DOCK2: variants seen among roughly 807,000 people sequenced by gnomAD.
The protein encoded by DOCK2 is dedicator of cytokinesis protein 2.
DOCK2 carries 87 observed loss-of-function variants against 248.9 expected under a neutral mutation model. That is an observed-to-expected ratio of 0.35 (90% CI 0.29 to 0.42). DOCK2 has a LOEUF of 0.42. Among genes scored for constraint, DOCK2 ranks in the 10% least tolerant of loss-of-function variants. The probability of loss-of-function intolerance (pLI) is 1.00; values close to 1 mark genes in which losing one functional copy is unlikely to be tolerated. For synonymous variants in DOCK2, 805 were observed against 821.6 expected, an observed-to-expected ratio of 0.98 and a Z score of 0.35; for missense variants, 1,747 against 2,300.2, an observed-to-expected ratio of 0.76 and a Z score of 4.92.
At chr5:169,694,672 A>C (rs1196274461) in intron 9 of DOCK2, among the ~76,000 whole-genome samples, 2 of 152,178 alleles carry the variant, frequency 1.3e-5, no homozygotes, top group Admixed American at 6.5e-5. Context: ...GCGTTTCACC[A>C]GTTTTGGCTT....
chr5:169,995,394 TA>T (rs1754582458), intron 29 of DOCK2, among the ~76,000 whole-genome samples: 1 of 152,104 alleles, frequency 6.6e-6, no homozygotes, highest in African/African-American at 2.4e-5. Flanking sequence ...AGGTATTTGA[TA>T]TACACAGAAG....
intron 25 of DOCK2, among the ~76,000 whole-genome samples, chr5:169,782,500 GTT>G (rs369831482): frequency 0.081 from 11,104 of 137,374 alleles, 881 homozygotes; most frequent in East Asian, 0.35. Flanking sequence ...TTCCTCCTTA[GTT>G]TTTTTTTTTT....
intron 27 of DOCK2, among the ~76,000 whole-genome samples, chr5:169,967,872 G>A (rs1777361425): frequency 6.6e-6 from 1 of 152,196 alleles, no homozygotes; most frequent in Non-Finnish European, 1.5e-5. Context: ...TTTATTGAAT[G>A]TGGGAGGAGC....
chr5:169,895,289 C>G (rs1266237892), intron 27 of DOCK2, among the ~76,000 whole-genome samples: 2 of 152,208 alleles, frequency 1.3e-5, no homozygotes, highest in Non-Finnish European at 2.9e-5. Flanking sequence ...CTTCCTTTCT[C>G]TCCCTCCTCC....
At chr5:169,712,611 T>C (rs1761648599) in intron 17 of DOCK2, among the ~76,000 whole-genome samples, 1 of 152,210 alleles carries the variant, frequency 6.6e-6, no homozygotes, top group Admixed American at 6.5e-5. Context: ...GCATTGTAGC[T>C]AATGGGAAAA....
chr5:169,912,616 A>AGTATAT (rs1554116693), intron 27 of DOCK2, among the ~76,000 whole-genome samples: 4 of 122,682 alleles, frequency 3.3e-5, no homozygotes, highest in Non-Finnish European at 6.6e-5. Flanking sequence ...TGTGTGGTGG[A>AGTATAT]GTGTATGTGT....
chr5:169,687,303 A>G (rs1368558975), intron 8 of DOCK2, among the ~76,000 whole-genome samples: 2 of 152,226 alleles, frequency 1.3e-5, no homozygotes, highest in South Asian at 2.1e-4. Flanking sequence ...ACTGAAAAAA[A>G]CACAAAAGAT....
chr5:169,895,988 A>G (rs1415101015), intron 27 of DOCK2, among the ~76,000 whole-genome samples: 1 of 152,164 alleles, frequency 6.6e-6, no homozygotes, highest in Admixed American at 6.5e-5. Context: ...CCTTTATGTG[A>G]ATGCTATGAT....
chr5:169,699,898 C>T (rs750511757), intron 12 of DOCK2, 116 bp from the exon 13 acceptor site: 104 of 1,463,566 alleles, frequency 7.1e-5, no homozygotes, highest in Non-Finnish European at 9.2e-5. Context: ...GCATCTGTGG[C>T]TGTATGACTC....
chr5:169,711,794 A>C lies in DOCK2; in HGVS notation c.1483-141A>C, dbSNP rs532170240. On this transcript the variant is annotated intron_variant, in intron 15 of 51. Transcript: ENST00000520908. ...TTCTTCTGTAATTTATTTACAGTTC[A>C]TCAGCCTCAATGGATGGGTTGTAAA... 31 of 767,140 alleles carry C rather than the reference A, an allele frequency of 4.0e-5. No homozygotes were observed. In the Admixed American group the frequency reaches 7.3e-4, roughly 18 times the overall value. The allele number at this position is 767,140 out of a possible 1,614,324, so 47.5% of individuals were successfully genotyped here.
chr5:169,702,476 T>A (rs1480495765), intron 14 of DOCK2, 49 bp downstream of exon 14: 1 of 1,605,330 alleles, frequency 6.2e-7, no homozygotes, highest in Admixed American at 1.7e-5. Context: ...CTTGGGGGCC[T>A]CTGCTTGTAA....
intron 50 of DOCK2, 100 bp from the exon 51 acceptor site, chr5:170,081,742 A>T (rs1283309216): frequency 1.5e-6 from 2 of 1,323,406 alleles, no homozygotes; most frequent in Non-Finnish European, 2.0e-6. Flanking sequence ...TGATCCCTGG[A>T]TGCTGGCTCT....
intron 34 of DOCK2, among the ~76,000 whole-genome samples, chr5:170,031,699 G>A (rs1756140676): frequency 6.6e-6 from 1 of 152,196 alleles, no homozygotes; most frequent in Admixed American, 6.5e-5. Flanking sequence ...AATGCCACAT[G>A]TTGAGTGGAA....
At chr5:169,965,883 C>T (rs1777278553) in intron 27 of DOCK2, among the ~76,000 whole-genome samples, 1 of 152,166 alleles carries the variant, frequency 6.6e-6, no homozygotes, top group South Asian at 2.1e-4. Context: ...GGGCTCTCAC[C>T]TTTGACGTGG....
intron 34 of DOCK2, among the ~76,000 whole-genome samples, chr5:170,030,221 T>G (rs2113833618): frequency 6.6e-6 from 1 of 152,324 alleles, no homozygotes; most frequent in Non-Finnish European, 1.5e-5. Context: ...TGAGTGATTA[T>G]TTATAAAAGG....
intron 6 of DOCK2, among the ~76,000 whole-genome samples, chr5:169,675,907 A>G (rs765861594): frequency 1.3e-5 from 2 of 152,202 alleles, no homozygotes; most frequent in Non-Finnish European, 2.9e-5. Context: ...CCCCATTGGC[A>G]TCTGGCAAGC....
intron 2 of DOCK2, among the ~76,000 whole-genome samples, chr5:169,661,288 T>A (rs1442285881): frequency 6.6e-6 from 1 of 152,210 alleles, no homozygotes; most frequent in Non-Finnish European, 1.5e-5. Flanking sequence ...AGACTTTCAT[T>A]GCAGAGCTCA....
intron 27 of DOCK2, among the ~76,000 whole-genome samples, chr5:169,867,949 A>T (rs964707538): frequency 6.6e-6 from 1 of 152,180 alleles, no homozygotes; most frequent in Non-Finnish European, 1.5e-5. Flanking sequence ...CACCAGGAAC[A>T]CACATAGTTC....
chr5:169,662,220 A>G (rs1758486114), intron 2 of DOCK2, among the ~76,000 whole-genome samples: 1 of 152,216 alleles, frequency 6.6e-6, no homozygotes. Flanking sequence ...AATGATGTCA[A>G]ACACCTTTCC....
Sources: allele counts gnomAD v4.1 joint callset (sites outside exome capture counted in the v4.1 genomes callset), GRCh38; gene constraint gnomAD v4.1.1; transcripts MANE v1.5; gene names NCBI Gene and HGNC (gene_info 2026-07-23, HGNC 2026-07-21).